FERMT2: variants seen among roughly 807,000 people sequenced by gnomAD.
The protein encoded by FERMT2 is fermitin family homolog 2.
In FERMT2, 15 loss-of-function variants were observed where a neutral mutation model predicts 82.7. That is an observed-to-expected ratio of 0.18 (90% CI 0.12 to 0.28). The LOEUF (loss-of-function observed/expected upper bound fraction) is 0.28, where lower values mean the gene tolerates loss of function less well. FERMT2 is among the 10% of genes least tolerant of loss of function. The pLI, the probability that FERMT2 is intolerant of heterozygous loss-of-function variation, is 1.00. For synonymous variants in FERMT2, 274 were observed against 271.5 expected, an observed-to-expected ratio of 1.01 and a Z score of -0.09; for missense variants, 645 against 809.4, an observed-to-expected ratio of 0.80 and a Z score of 2.46.
At chr14:52,947,287 G>A (rs573641165) in intron 2 of FERMT2, among the ~76,000 whole-genome samples, 2 of 152,226 alleles carry the variant, frequency 1.3e-5, no homozygotes, top group African/African-American at 4.8e-5. Flanking sequence ...AGACCATCCC[G>A]GTTAACACGG....
At chr14:52,864,308 TA>T (rs1885138268) in intron 12 of FERMT2, 92 bp downstream of exon 12, 1 of 831,410 alleles carries the variant, frequency 1.2e-6, no homozygotes, top group Non-Finnish European at 2.0e-6. Flanking sequence ...AAATTAAGAC[TA>T]AAAAGTTTTG....
intron 2 of FERMT2, among the ~76,000 whole-genome samples, chr14:52,927,804 T>G (rs1219979826): frequency 6.6e-6 from 1 of 151,916 alleles, no homozygotes; most frequent in South Asian, 2.1e-4. Context: ...CAGATTTGAC[T>G]TGGGCCTTCA....
intron 4 of FERMT2, among the ~76,000 whole-genome samples, chr14:52,884,949 C>A (rs998372844): frequency 6.6e-6 from 1 of 151,508 alleles, no homozygotes; most frequent in East Asian, 2.0e-4. Context: ...TTGCAGTGAG[C>A]AGAGATTGTG....
chr14:52,880,467 C>T (rs1034597732), intron 6 of FERMT2, among the ~76,000 whole-genome samples: 8 of 152,080 alleles, frequency 5.3e-5, no homozygotes, highest in African/African-American at 1.2e-4. Context: ...GGCATGATCT[C>T]GGCTCACTGC....
intron 2 of FERMT2, among the ~76,000 whole-genome samples, chr14:52,940,063 C>T (rs971418761): frequency 3.9e-5 from 6 of 152,102 alleles, no homozygotes; most frequent in East Asian, 1.9e-4. Context: ...TTAGTTACAA[C>T]ATGATGTAAA....
At position 52,917,076 on chromosome 14, in the gene FERMT2, G is replaced by A. The variant is rs555182160; in HGVS notation, c.391+2047C>T. On this transcript the variant is annotated intron_variant, in intron 3 of 14. Transcript: ENST00000341590. Reference sequence around the variant, plus strand: ...ACATTGCTAGTTGGAATATAAACTGGTATAACCAACTGGGAGACAATTTGA... The same window carrying A: ...ACATTGCTAGTTGGAATATAAACTGATATAACCAACTGGGAGACAATTTGA... Among the ~76,000 whole-genome samples the A allele has an allele frequency of 9.7e-4, 147 of 152,258 alleles. 1 individual carries two copies. Among genetic ancestry groups the A allele is most frequent in the Non-Finnish European group, 1.6e-3 (112 of 68,010 alleles).
In FERMT2 at chr14:52,919,373, A is replaced by G. The variant is rs370119585; in HGVS notation, c.158-17T>C. ...TTTTTACATCTATAAAAAACAAACA[A>G]TAAACAAATCACTTAAAAATCACCA... On this transcript the variant is annotated splice_polypyrimidine_tract_variant and intron_variant, in intron 2 of 14. Coordinates refer to ENST00000341590, the MANE Select transcript of FERMT2 (RefSeq NM_006832.3). 22 of 1,535,084 alleles carry G rather than the reference A, an allele frequency of 1.4e-5. No individual in the cohort carries two copies. The African/African-American group carries it at 2.5e-4, about 17-fold the overall frequency.
chr14:52,861,393 C>G (rs929934531), intron 12 of FERMT2: 1 of 210,006 alleles, frequency 4.8e-6, no homozygotes, highest in Non-Finnish European at 9.2e-6. Flanking sequence ...GTACCCAGTT[C>G]TCACCGGTTA....
At chr14:52,870,448 C>CA (rs749155520) in intron 10 of FERMT2, among the ~76,000 whole-genome samples, 3 of 152,134 alleles carry the variant, frequency 2.0e-5, no homozygotes, top group Non-Finnish European at 4.4e-5. Flanking sequence ...GGGGTTTCTC[C>CA]ATGTTGGTCA....
chr14:52,919,784 T>A (rs1199513455), intron 2 of FERMT2, among the ~76,000 whole-genome samples: 3 of 152,120 alleles, frequency 2.0e-5, no homozygotes, highest in African/African-American at 7.2e-5. Flanking sequence ...TGCAGAAATG[T>A]GTGAAGGTGA....
At position 52,857,639 on chromosome 14, in the gene FERMT2, A is replaced by T. The variant is rs1884650939; in HGVS notation, c.*738T>A. The T allele has an allele frequency of 6.5e-6, 1 of 152,674 alleles. No individual in the cohort carries two copies. The highest frequency in any genetic ancestry group is 2.4e-5 in the African/African-American group (1 of 41,468). The allele number at this position is 152,674 out of a possible 1,614,324, so 9.5% of individuals were successfully genotyped here. A position where few individuals can be genotyped will look rare whatever the true frequency, so the allele number is the denominator to read the frequency against. On this transcript the variant is annotated 3_prime_UTR_variant, in exon 15 of 15. Transcript: ENST00000341590. The stretch of plus-strand genomic sequence containing the variant: ...TTTTAAAAAACTGTACAATTTTATA[A>T]AATTTGTGTTTTTACATTAGTTACA...
chr14:52,880,879 A>G (rs920364850), intron 6 of FERMT2, among the ~76,000 whole-genome samples, 157 bp downstream of exon 6: 5 of 152,240 alleles, frequency 3.3e-5, no homozygotes, highest in African/African-American at 9.6e-5. Flanking sequence ...TATTTAAAAT[A>G]CAAATACCTT....
At chr14:52,879,853 T>C (rs1415898250) in intron 6 of FERMT2, among the ~76,000 whole-genome samples, 2 of 152,252 alleles carry the variant, frequency 1.3e-5, no homozygotes, top group East Asian at 1.9e-4. Context: ...CAGATATTTA[T>C]GGTAAAGTTA....
chr14:52,936,532 C>T, intron 2 of FERMT2, among the ~76,000 whole-genome samples: 1 of 152,266 alleles, frequency 6.6e-6, no homozygotes, highest in East Asian at 1.9e-4. Context: ...CTTCTTGAGC[C>T]TCACGTCAAG....
Position 52,875,236 on chromosome 14 carries a change from G to A in FERMT2, c.1085C>T (p.Thr362Met), listed in dbSNP as rs775328997. The part of the protein sequence containing the change: ...DLEITLEGGK[T>M]STILGDITSI... ...GATTCACCCTACCAAAATTGTTGAC[G>A]TTTTACCCCCTTCCAGAGTAATCTC... The change falls in exon 8 of 15, where the codon ACG becomes ATG. Residue 362 changes from threonine (T) to methionine (M), a missense_variant. Physicochemically the swap from Thr to Met is moderately conservative, Grantham distance 81 (BLOSUM62 -1). Transcript: ENST00000341590. The A allele has an allele frequency of 1.7e-5, 28 of 1,604,790 alleles. No homozygotes were observed. Among genetic ancestry groups the A allele is most frequent in the African/African-American group, 2.7e-5 (2 of 74,296 alleles).
rs34395615 is a variant in FERMT2 at position 52,939,192 on chromosome 14, T to TAA, written c.157+11218_157+11219dup. ...CAACATGGTGAAATCCCATCTCTAC[T>TAA]AAAAAAAAAAAAAAAAAAAAAAATA... On this transcript the variant is annotated intron_variant, in intron 2 of 14. Coordinates refer to ENST00000341590, the MANE Select transcript of FERMT2 (RefSeq NM_006832.3). Among the ~76,000 whole-genome samples the TAA allele has an allele frequency of 7.3e-3, 628 of 85,994 alleles. 24 individuals carry two copies. The highest frequency in any genetic ancestry group is 0.063 in the East Asian group (175 of 2,762). The allele number at this position is 85,994 out of a possible 152,430, so 56.4% of individuals were successfully genotyped here.
chr14:52,937,182 G>GATA (rs1246588359), intron 2 of FERMT2, among the ~76,000 whole-genome samples: 2 of 151,622 alleles, frequency 1.3e-5, no homozygotes, highest in Non-Finnish European at 2.9e-5. Flanking sequence ...TAATAATAAT[G>GATA]ATAATAATAA....
At position 52,875,353 on chromosome 14, in the gene FERMT2, T is replaced by A. The variant is rs779555824; in HGVS notation, c.968A>T (p.His323Leu). 1.3e-6 allele frequency: 2 copies of A among 1,590,884 alleles called. No individual in the cohort carries two copies. Among genetic ancestry groups the A allele is most frequent in the African/African-American group, 2.7e-5 (2 of 74,158 alleles). Residue 323 changes from histidine to leucine, a missense_variant, in exon 8 of 15, where the codon CAT (histidine) becomes CTT (leucine). His to Leu is a moderately conservative substitution (Grantham distance 99). Transcript: ENST00000341590. ...EMMMFAALQY[H>L]INKLSIMTSE... ...TGTCATGATTGACAGCTTATTGATA[T>A]GATACTGAAACCAGAATTATTTTAT...
chr14:52,928,823 C>G (rs1416221224), intron 2 of FERMT2, among the ~76,000 whole-genome samples: 5 of 152,154 alleles, frequency 3.3e-5, no homozygotes, highest in Non-Finnish European at 1.5e-5. Context: ...TAAATTTGTA[C>G]CCAGATGGGC....
Sources: gnomAD v4.1 joint callset for allele counts (sites outside exome capture counted in the v4.1 genomes callset) on GRCh38, gnomAD v4.1.1 for gene constraint, MANE v1.5 for transcripts, NCBI Gene and HGNC (gene_info 2026-07-23, HGNC 2026-07-21) for gene names.